Variants in CACNG3 observed in about 807,000 individuals in gnomAD.
The protein encoded by CACNG3 is calcium voltage-gated channel auxiliary subunit gamma 3.
CACNG3 carries 3 observed loss-of-function variants against 28.5 expected under a neutral mutation model. The ratio of observed to expected loss-of-function variants is 0.11; its 90% CI spans 0.05 to 0.27. CACNG3 has a LOEUF of 0.27. Among genes scored for constraint, CACNG3 ranks in the 10% least tolerant of loss-of-function variants. The pLI is 1.00. For synonymous variants in CACNG3, 174 were observed against 162.2 expected, an observed-to-expected ratio of 1.07 and a Z score of -0.55; for missense variants, 236 against 414.4, an observed-to-expected ratio of 0.57 and a Z score of 3.74.
intron 1 of CACNG3, among the ~76,000 whole-genome samples, chr16:24,341,187 C>A (rs1438463916): frequency 2.6e-5 from 4 of 152,236 alleles, no homozygotes; most frequent in Non-Finnish European, 5.9e-5. Context: ...GAAAAAAAGC[C>A]TGGAAGGAAA....
chr16:24,312,744 G>A (rs907309286), intron 1 of CACNG3, among the ~76,000 whole-genome samples: 5 of 151,786 alleles, frequency 3.3e-5, no homozygotes, highest in African/African-American at 1.2e-4. Context: ...CTTGAGCCCT[G>A]GAGTTCAAGG....
At chr16:24,339,007 T>G (rs1357119561) in intron 1 of CACNG3, among the ~76,000 whole-genome samples, 1 of 152,206 alleles carries the variant, frequency 6.6e-6, no homozygotes, top group Non-Finnish European at 1.5e-5. Flanking sequence ...AACCTTCAGG[T>G]CTCAGCTTAG....
At chr16:24,280,649 C>G (rs1567209354) in intron 1 of CACNG3, among the ~76,000 whole-genome samples, 1 of 151,806 alleles carries the variant, frequency 6.6e-6, no homozygotes, top group East Asian at 1.9e-4. Context: ...AACCCTGTCT[C>G]TACTAAAAAC....
intron 1 of CACNG3, among the ~76,000 whole-genome samples, chr16:24,279,636 T>A (rs758391444): frequency 6.6e-6 from 1 of 152,128 alleles, no homozygotes; most frequent in Non-Finnish European, 1.5e-5. Context: ...TAAGAGACAT[T>A]AATGCAATAA....
intron 1 of CACNG3, among the ~76,000 whole-genome samples, chr16:24,323,230 AAAAAAAAAAAGAG>A (rs1899489504): frequency 6.9e-6 from 1 of 145,142 alleles, no homozygotes; most frequent in African/African-American, 2.5e-5. Flanking sequence ...AAAAAAAAAA[AAAAAAAAAAAGAG>A]AGAGAGAGAA....
At chr16:24,354,262 T>C (rs148286167) in intron 2 of CACNG3, among the ~76,000 whole-genome samples, 1 of 152,308 alleles carries the variant, frequency 6.6e-6, no homozygotes, top group African/African-American at 2.4e-5. Context: ...TCTCGATCTA[T>C]CATGGTGTTT....
Position 24,354,951 on chromosome 16 carries a change from G to T in CACNG3, c.414G>T (p.Ala138=). ...GCAGACACAACGTCATTCTCAGCGC[G>T]GGCATCTTTTTTGTCTCTGCAGGTG... ...HRSRHNVILS[A]GIFFVSAGLS... The change falls in exon 3 of 4, where the codon GCG becomes GCT. Residue 138 remains alanine, a synonymous_variant. Coordinates refer to ENST00000005284, the MANE Select transcript of CACNG3 (RefSeq NM_006539.4). 6.2e-7 allele frequency: 1 copy of T among 1,612,824 alleles called. No individual in the cohort carries two copies. Among genetic ancestry groups the T allele is most frequent in the Non-Finnish European group, 8.5e-7 (1 of 1,179,990 alleles).
At chr16:24,261,931 T>A (rs1424216907) in intron 1 of CACNG3, among the ~76,000 whole-genome samples, 1 of 152,230 alleles carries the variant, frequency 6.6e-6, no homozygotes, top group Non-Finnish European at 1.5e-5. Context: ...AAAGATGTGG[T>A]TGAGGATGGA....
intron 1 of CACNG3, among the ~76,000 whole-genome samples, chr16:24,332,175 A>G (rs1179440340): frequency 1.3e-5 from 2 of 152,234 alleles, no homozygotes; most frequent in African/African-American, 4.8e-5. Flanking sequence ...AAAAGAATGA[A>G]TCAGGGACCG....
chr16:24,327,579 C>T (rs1238661581), intron 1 of CACNG3, among the ~76,000 whole-genome samples: 1 of 149,646 alleles, frequency 6.7e-6, no homozygotes, highest in Admixed American at 6.7e-5. Context: ...ATGATTGTAC[C>T]GCTGCACTCC....
chr16:24,297,957 G>A (rs1359362937), intron 1 of CACNG3, among the ~76,000 whole-genome samples: 2 of 151,494 alleles, frequency 1.3e-5, no homozygotes, highest in Non-Finnish European at 2.9e-5. Context: ...GGGCCTGGAG[G>A]CCTGTGTCTT....
At chr16:24,274,349 C>T (rs1367891088) in intron 1 of CACNG3, among the ~76,000 whole-genome samples, 2 of 152,150 alleles carry the variant, frequency 1.3e-5, no homozygotes, top group Non-Finnish European at 2.9e-5. Context: ...ATTATACCTA[C>T]TCATAGGGTT....
intron 1 of CACNG3, among the ~76,000 whole-genome samples, chr16:24,309,511 T>A (rs896849672): frequency 5.3e-5 from 8 of 152,164 alleles, no homozygotes; most frequent in African/African-American, 1.7e-4. Context: ...CATGACTCAT[T>A]TGTCTTGGTT....
chr16:24,317,625 AGAC>A lies in CACNG3; in HGVS notation c.212-29108_212-29106del, dbSNP rs1287301556. ...AAGAAAGAAAGAAAGAAAGAAAGAA[AGAC>A]AGACAGAAAGAAAGAAAAGAAAAGA... On this transcript the variant is annotated intron_variant, in intron 1 of 3. Coordinates refer to ENST00000005284, the MANE Select transcript of CACNG3 (RefSeq NM_006539.4). Among the ~76,000 whole-genome samples, 209 of 48,562 alleles carry A rather than the reference AGAC, an allele frequency of 4.3e-3. 5 individuals carry two copies. Among genetic ancestry groups the A allele is most frequent in the African/African-American group, 6.8e-3 (77 of 11,262 alleles). The allele number at this position is 48,562 out of a possible 152,430, so 31.9% of individuals were successfully genotyped here.
intron 1 of CACNG3, among the ~76,000 whole-genome samples, chr16:24,307,510 C>G (rs1899201259): frequency 6.6e-6 from 1 of 152,202 alleles, no homozygotes; most frequent in Non-Finnish European, 1.5e-5. Flanking sequence ...TCCTCTCCCT[C>G]TGTCTGGTCC....
chr16:24,269,624 G>A (rs946674807), intron 1 of CACNG3, among the ~76,000 whole-genome samples: 4 of 151,724 alleles, frequency 2.6e-5, no homozygotes, highest in Admixed American at 2.6e-4. Flanking sequence ...GTGGGCACCT[G>A]TAATCCCAGC....
At chr16:24,261,911 G>A (rs372356448) in intron 1 of CACNG3, among the ~76,000 whole-genome samples, 1 of 152,142 alleles carries the variant, frequency 6.6e-6, no homozygotes, top group Admixed American at 6.5e-5. Context: ...AAAACCTTCA[G>A]GGAAGCTGCA....
chr16:24,308,632 A>C lies in CACNG3; in HGVS notation c.212-38102A>C, dbSNP rs1899217714. Among the ~76,000 whole-genome samples the C allele has an allele frequency of 2.0e-5, 3 of 152,050 alleles. No individual in the cohort carries two copies. In the South Asian group the frequency reaches 6.2e-4, roughly 32 times the overall value. On this transcript the variant is annotated intron_variant, in intron 1 of 3. Coordinates refer to ENST00000005284, the MANE Select transcript of CACNG3 (RefSeq NM_006539.4). ...CACTTTGGGAGGCCAAGGTGAGAGGATCGCTTGTGCTCAGGAATTCAAAAC... is the reference window on the plus strand; with the variant it reads ...CACTTTGGGAGGCCAAGGTGAGAGGCTCGCTTGTGCTCAGGAATTCAAAAC...
chr16:24,329,488 G>A lies in CACNG3; in HGVS notation c.212-17246G>A, dbSNP rs541367286. On this transcript the variant is annotated intron_variant, in intron 1 of 3. Coordinates refer to ENST00000005284, the MANE Select transcript of CACNG3 (RefSeq NM_006539.4). ...AAAAGTGTGGCTCTTTATACAGACA[G>A]TTAAACATAGGCTCCAGTTTTGCAG... Among the ~76,000 whole-genome samples the A allele has an allele frequency of 2.6e-5, 4 of 152,304 alleles. No individual in the cohort carries two copies. The South Asian group carries it at 8.3e-4, about 32-fold the overall frequency.
Sources: gnomAD v4.1 joint callset for allele counts (sites outside exome capture counted in the v4.1 genomes callset) on GRCh38, gnomAD v4.1.1 for gene constraint, MANE v1.5 for transcripts, NCBI Gene and HGNC (gene_info 2026-07-23, HGNC 2026-07-21) for gene names.